STXBP5: variants seen among roughly 807,000 people sequenced by gnomAD.
The protein encoded by STXBP5 is syntaxin binding protein 5.
STXBP5 carries 50 observed loss-of-function variants against 152.4 expected under a neutral mutation model. The observed-to-expected ratio is 0.33, with a 90% CI of 0.26 to 0.42. The LOEUF is 0.42. Among genes scored for constraint, STXBP5 ranks in the 10% least tolerant of loss-of-function variants. The pLI is 1.00. For synonymous variants in STXBP5, 492 were observed against 494.7 expected (o/e 0.99, Z 0.07); for missense variants, 1,167 against 1,388.6 (o/e 0.84, Z 2.54).
In STXBP5 at chr6:147,344,162, T is replaced by A. The variant is rs1784211984; in HGVS notation, c.2254+4778T>A. Among the ~76,000 whole-genome samples, 4 of 152,210 alleles carry A rather than the reference T, an allele frequency of 2.6e-5. No individual in the cohort carries two copies. The South Asian group carries it at 8.3e-4, about 31-fold the overall frequency. ...TTTAAATTTAAATTTTATTTTTGAA[T>A]GTATTTTCTGTCAAATTTCTTAATA... On this transcript the variant is annotated intron_variant, in intron 21 of 27. Coordinates refer to ENST00000321680, the MANE Select transcript of STXBP5 (RefSeq NM_001127715.4).
chr6:147,279,218 A>G (rs1004712732), intron 8 of STXBP5, among the ~76,000 whole-genome samples: 2 of 152,180 alleles, frequency 1.3e-5, no homozygotes, highest in Admixed American at 6.5e-5. Flanking sequence ...TTTTATTATA[A>G]TATTTATTAG....
chr6:147,298,156 G>C (rs529692730), intron 9 of STXBP5, among the ~76,000 whole-genome samples: 15 of 152,096 alleles, frequency 9.9e-5, no homozygotes, highest in African/African-American at 3.4e-4. Flanking sequence ...TATGGAAAAA[G>C]ATATTTCATG....
At chr6:147,357,391 T>C (rs958365196) in intron 22 of STXBP5, among the ~76,000 whole-genome samples, 1 of 152,120 alleles carries the variant, frequency 6.6e-6, no homozygotes, top group Non-Finnish European at 1.5e-5. Context: ...TTTCTCACAA[T>C]GAACTGAAAT....
intron 22 of STXBP5, among the ~76,000 whole-genome samples, chr6:147,357,133 T>TG (rs1784850511): frequency 6.6e-6 from 1 of 152,096 alleles, no homozygotes; most frequent in African/African-American, 2.4e-5. Context: ...ACAGAACAAA[T>TG]GTACTCTAAG....
chr6:147,237,592 G>A (rs1778342755), intron 3 of STXBP5, among the ~76,000 whole-genome samples: 1 of 152,184 alleles, frequency 6.6e-6, no homozygotes, highest in South Asian at 2.1e-4. Flanking sequence ...ACTTCAAAGT[G>A]ATGTAGATAA....
chr6:147,356,302 C>A (rs1465983102), intron 22 of STXBP5, among the ~76,000 whole-genome samples: 1 of 151,860 alleles, frequency 6.6e-6, no homozygotes, highest in Non-Finnish European at 1.5e-5. Flanking sequence ...CTACTTTTTT[C>A]ATATCATTGT....
At position 147,339,241 on chromosome 6, in the gene STXBP5, ATAG is replaced by A; in HGVS notation, c.2206+6_2206+8del. 6.5e-7 allele frequency: 1 copy of A among 1,530,216 alleles called. No individual in the cohort carries two copies. The highest frequency in any genetic ancestry group is 1.3e-5 in the South Asian group (1 of 79,216). The allele number at this position is 1,530,216 out of a possible 1,614,324, so 94.8% of individuals were successfully genotyped here. On this transcript the variant is annotated splice_donor_5th_base_variant and intron_variant, in intron 20 of 27. Coordinates refer to ENST00000321680, the MANE Select transcript of STXBP5 (RefSeq NM_001127715.4). The stretch of plus-strand genomic sequence containing the variant: ...AATGAATAATTTTATAGAAAAGGGT[ATAG>A]TATCTTGATTTTAAAGTATTTTCTT...
Position 147,219,376 on chromosome 6 carries a change from GTTTTC to G in STXBP5, c.248+13315_248+13319del, listed in dbSNP as rs151028791. Among the ~76,000 whole-genome samples, 379 of 152,150 alleles carry G rather than the reference GTTTTC, an allele frequency of 2.5e-3. 2 individuals carry two copies. Among genetic ancestry groups the G allele is most frequent in the African/African-American group, 8.5e-3 (351 of 41,534 alleles). On this transcript the variant is annotated intron_variant, in intron 2 of 27. Coordinates refer to ENST00000321680, the MANE Select transcript of STXBP5 (RefSeq NM_001127715.4). ...ATCTTCATGAGAAGGATTGATCTTA[GTTTTC>G]TTTTCTCGTAATGCCTTTGGTATTC...
intron 9 of STXBP5, among the ~76,000 whole-genome samples, chr6:147,301,382 G>A (rs143628710): frequency 2.6e-5 from 4 of 152,062 alleles, no homozygotes; most frequent in African/African-American, 7.2e-5. Context: ...TTGGTCTTAC[G>A]TCTGTTAAGA....
intron 9 of STXBP5, among the ~76,000 whole-genome samples, chr6:147,295,012 G>A (rs577795203): frequency 1.3e-5 from 2 of 152,034 alleles, no homozygotes; most frequent in Non-Finnish European, 2.9e-5. Context: ...TATTATCTTT[G>A]GTAGGTTACC....
In STXBP5 at chr6:147,262,313, C is replaced by T. The variant is rs753614790; in HGVS notation, c.590C>T (p.Pro197Leu). The T allele has an allele frequency of 9.6e-6, 15 of 1,555,388 alleles. No homozygotes were observed. The South Asian group carries it at 1.7e-4, about 17-fold the overall frequency. ...AGGTCATCTAAATCTCACCCAGGAC[C>T]TGTGGTCCATATAAGTGATAATCCA... ...IELSSKSHPG[P>L]VVHISDNPMD... Residue 197 changes from proline to leucine, a missense_variant, in exon 6 of 28, where the codon CCT (proline) becomes CTT (leucine). Pro to Leu is a moderately conservative substitution (Grantham distance 98). This residue lies in a region of STXBP5 where 310 missense variants were observed against 346.1 expected (regional missense o/e 0.90). Transcript: ENST00000321680.
Position 147,387,363 on chromosome 6 carries a change from G to C in STXBP5, c.*2608G>C, listed in dbSNP as rs1374376792. 6.6e-6 allele frequency: 1 copy of C among 151,214 alleles called. No homozygotes were observed. The highest frequency in any genetic ancestry group is 1.5e-5 in the Non-Finnish European group (1 of 67,594). The allele number at this position is 151,214 out of a possible 1,614,324, so 9.4% of individuals were successfully genotyped here. ...AATATCAGAAAAATGAAAGATTTTT[G>C]TGTGCCCTCTCCATATCCTCATTGT... On this transcript the variant is annotated 3_prime_UTR_variant, in exon 28 of 28. Coordinates refer to ENST00000321680, the MANE Select transcript of STXBP5 (RefSeq NM_001127715.4).
chr6:147,235,195 C>G (rs1220073527), intron 2 of STXBP5, 55 bp from the exon 3 acceptor site: 1 of 1,460,630 alleles, frequency 6.8e-7, no homozygotes, highest in Non-Finnish European at 9.6e-7. Context: ...ATATAACTTA[C>G]CAGTTTCTCA....
At chr6:147,355,494 A>G (rs1366523762) in intron 22 of STXBP5, among the ~76,000 whole-genome samples, 1 of 152,132 alleles carries the variant, frequency 6.6e-6, no homozygotes, top group African/African-American at 2.4e-5. Context: ...ATTCAAGCAC[A>G]TTTCTGACAT....
intron 21 of STXBP5, among the ~76,000 whole-genome samples, chr6:147,347,397 T>C (rs1056592113): frequency 2.0e-5 from 3 of 152,154 alleles, no homozygotes; most frequent in Non-Finnish European, 4.4e-5. Context: ...AACTACCTCA[T>C]GATGAAAGTT....
intron 4 of STXBP5, among the ~76,000 whole-genome samples, chr6:147,257,329 T>C: frequency 6.6e-6 from 1 of 151,810 alleles, no homozygotes; most frequent in Non-Finnish European, 1.5e-5. Context: ...AACTTTTCAG[T>C]CTCAATTTAA....
chr6:147,334,629 T>C (rs1167052502), intron 19 of STXBP5, among the ~76,000 whole-genome samples: 1 of 151,730 alleles, frequency 6.6e-6, no homozygotes, highest in Non-Finnish European at 1.5e-5. Context: ...GTTGTATGTA[T>C]TTTTATTTAT....
At chr6:147,352,285 A>C (rs550972642) in intron 21 of STXBP5, among the ~76,000 whole-genome samples, 1 of 152,342 alleles carries the variant, frequency 6.6e-6, no homozygotes, top group South Asian at 2.1e-4. Flanking sequence ...TGTATAATGT[A>C]ATCAAATACT....
chr6:147,324,123 G>C (rs1783081229), intron 16 of STXBP5, among the ~76,000 whole-genome samples: 1 of 152,008 alleles, frequency 6.6e-6, no homozygotes, highest in Admixed American at 6.6e-5. Context: ...AGTCAAGGTA[G>C]ATTTGTTTTA....
Sources: allele counts gnomAD v4.1 joint callset (sites outside exome capture counted in the v4.1 genomes callset), GRCh38; gene constraint gnomAD v4.1.1; regional missense constraint gnomAD v4.1.1; transcripts MANE v1.5; gene names NCBI Gene and HGNC (gene_info 2026-07-23, HGNC 2026-07-21).